The following C10orf90 variants were observed in gnomAD, a reference collection of about 807,000 sequenced individuals.
C10orf90 encodes (E2-independent) E3 ubiquitin-conjugating enzyme FATS.
In C10orf90, 56 loss-of-function variants were observed where a neutral mutation model predicts 62.5. The observed-to-expected ratio is 0.90, with a 90% CI of 0.72 to 1.12. C10orf90 has a LOEUF of 1.12. Among genes scored for constraint, C10orf90 ranks in the 50% most tolerant of loss-of-function variants. C10orf90 has a pLI of 0.00. For missense variants in C10orf90, 970 were observed against 880.4 expected (o/e 1.10, Z -1.29); for synonymous variants, 386 against 340.4 (o/e 1.13, Z -1.47).
chr10:126,660,949 T>A (rs1846497210), intron 1 of C10orf90, among the ~76,000 whole-genome samples: 1 of 152,204 alleles, frequency 6.6e-6, no homozygotes, highest in Admixed American at 6.5e-5. Context: ...TTGGAAACAC[T>A]TAACGTGGCA....
At chr10:126,485,924 G>C (rs2133818307) in intron 4 of C10orf90, among the ~76,000 whole-genome samples, 1 of 151,794 alleles carries the variant, frequency 6.6e-6, no homozygotes, top group East Asian at 1.9e-4. Context: ...TCCAGCCTGG[G>C]GGACAGAGCA....
At chr10:126,557,665 T>C (rs1215803824) in intron 2 of C10orf90, among the ~76,000 whole-genome samples, 1 of 152,144 alleles carries the variant, frequency 6.6e-6, no homozygotes, top group Non-Finnish European at 1.5e-5. Context: ...AATAATACTG[T>C]ACTGTTCATA....
intron 1 of C10orf90, among the ~76,000 whole-genome samples, chr10:126,655,363 A>G (rs1846373025): frequency 6.6e-6 from 1 of 152,172 alleles, no homozygotes; most frequent in Non-Finnish European, 1.5e-5. Flanking sequence ...ATCACAGATA[A>G]CCATAACAGA....
chr10:126,498,505 T>A (rs1862201028), intron 4 of C10orf90, among the ~76,000 whole-genome samples: 1 of 152,128 alleles, frequency 6.6e-6, no homozygotes, highest in Non-Finnish European at 1.5e-5. Context: ...CCTAGCAAGA[T>A]CCTTGACTTG....
In C10orf90 at chr10:126,588,215, C is replaced by T. The variant is rs556835609; in HGVS notation, c.313+58350G>A. ...TCTGATCTCTCCCTGGGACAGAGTC[C>T]CCAGGGGGAAGGGTGACGGCAGTCT... On this transcript the variant is annotated intron_variant, in intron 2 of 9. Coordinates refer to ENST00000488181, the MANE Select transcript of C10orf90 (RefSeq NM_001350921.2). 1.2e-4 allele frequency among the ~76,000 whole-genome samples: 18 copies of T among 152,292 alleles called. No homozygotes were observed. The South Asian group carries it at 3.7e-3, about 32-fold the overall frequency.
chr10:126,426,859 T>C (rs1240941206), intron 8 of C10orf90, among the ~76,000 whole-genome samples: 1 of 152,194 alleles, frequency 6.6e-6, no homozygotes, highest in African/African-American at 2.4e-5. Flanking sequence ...AAGGACAATG[T>C]AGAAAAAATC....
chr10:126,669,915 A>C (rs1846713145), intron 1 of C10orf90, among the ~76,000 whole-genome samples: 1 of 152,222 alleles, frequency 6.6e-6, no homozygotes, highest in Non-Finnish European at 1.5e-5. Flanking sequence ...AAGAATATTT[A>C]ACTCACAGAA....
At chr10:126,448,478 C>A (rs1402019108) in intron 7 of C10orf90, among the ~76,000 whole-genome samples, 1 of 151,822 alleles carries the variant, frequency 6.6e-6, no homozygotes, top group African/African-American at 2.4e-5. Flanking sequence ...TAATCAAGAA[C>A]TAGAACTAGA....
chr10:126,581,431 C>A lies in C10orf90; in HGVS notation c.313+65134G>T, dbSNP rs1844749946. On this transcript the variant is annotated intron_variant, in intron 2 of 9. Coordinates refer to ENST00000488181, the MANE Select transcript of C10orf90 (RefSeq NM_001350921.2). The stretch of plus-strand genomic sequence containing the variant: ...CCCAGTGACGTGGACTGCATGCTGG[C>A]TGGTCCTGTCATCATGCCTTCTTCA... Among the ~76,000 whole-genome samples the A allele has an allele frequency of 3.3e-5, 5 of 152,174 alleles. No individual in the cohort carries two copies. The South Asian group carries it at 1.0e-3, about 32-fold the overall frequency.
At chr10:126,442,825 T>C (rs1189761532) in intron 7 of C10orf90, among the ~76,000 whole-genome samples, 1 of 150,924 alleles carries the variant, frequency 6.6e-6, no homozygotes, top group Non-Finnish European at 1.5e-5. Flanking sequence ...CAGACCACAG[T>C]GGAATAAAAC....
chr10:126,548,933 T>C (rs1864566930), intron 2 of C10orf90, among the ~76,000 whole-genome samples: 1 of 152,114 alleles, frequency 6.6e-6, no homozygotes, highest in Non-Finnish European at 1.5e-5. Context: ...AAGCTAGCCT[T>C]TTCAGCAAGT....
chr10:126,531,899 C>A (rs546548328), intron 2 of C10orf90, among the ~76,000 whole-genome samples: 4 of 152,236 alleles, frequency 2.6e-5, no homozygotes, highest in Admixed American at 2.0e-4. Context: ...GACAGATATC[C>A]AGGATGTATA....
rs2134090875 is a variant in C10orf90 at position 126,456,516 on chromosome 10, A to G, written c.2188+2524T>C. On this transcript the variant is annotated intron_variant, in intron 7 of 9. Coordinates refer to ENST00000488181, the MANE Select transcript of C10orf90 (RefSeq NM_001350921.2). This position sits in a 1 kb window ranked among gnomAD's most constrained non-coding sequence, Gnocchi z 4.9. Reference sequence around the variant, plus strand: ...TCCATTTAAAAGAATGTGAACTTGTAAGGATATTTGTTTCGGGCAAACACC... The same window carrying G: ...TCCATTTAAAAGAATGTGAACTTGTGAGGATATTTGTTTCGGGCAAACACC... Among the ~76,000 whole-genome samples, 1 of 152,338 alleles carries G rather than the reference A, an allele frequency of 6.6e-6. No homozygotes were observed. The highest frequency in any genetic ancestry group is 1.5e-5 in the Non-Finnish European group (1 of 68,034).
chr10:126,641,396 C>T (rs767342040), intron 2 of C10orf90, among the ~76,000 whole-genome samples: 1 of 152,074 alleles, frequency 6.6e-6, no homozygotes, highest in Non-Finnish European at 1.5e-5. Flanking sequence ...TCCCACTCAT[C>T]AATCAAAGTT....
At chr10:126,562,577 G>A (rs898939045) in intron 2 of C10orf90, among the ~76,000 whole-genome samples, 8 of 152,222 alleles carry the variant, frequency 5.3e-5, no homozygotes, top group Middle Eastern at 3.4e-3. Flanking sequence ...CCTGTCAAAC[G>A]GGCACAGAGC....
intron 4 of C10orf90, among the ~76,000 whole-genome samples, chr10:126,476,296 A>G (rs1481816038): frequency 6.6e-6 from 1 of 152,166 alleles, no homozygotes; most frequent in Non-Finnish European, 1.5e-5. Flanking sequence ...ACATCAACCC[A>G]AATTCTCAGC....
At chr10:126,602,353 CTCTAGCTTACTTGGAATATAAT>C (rs1845214133) in intron 2 of C10orf90, among the ~76,000 whole-genome samples, 1 of 152,188 alleles carries the variant, frequency 6.6e-6, no homozygotes, top group African/African-American at 2.4e-5. Context: ...TGACCTGGGC[CTCTAGCTTACTTGGAATATAAT>C]ATCTCATGCC....
intron 2 of C10orf90, among the ~76,000 whole-genome samples, chr10:126,573,233 T>G (rs181383432): frequency 1.2e-4 from 18 of 152,266 alleles, no homozygotes; most frequent in African/African-American, 4.3e-4. Context: ...GGAGGCTGCA[T>G]GCACCTGCAC....
intron 1 of C10orf90, among the ~76,000 whole-genome samples, chr10:126,668,324 T>A (rs1451010465): frequency 6.6e-6 from 1 of 152,174 alleles, no homozygotes; most frequent in Admixed American, 6.5e-5. Flanking sequence ...GAGTACTTTG[T>A]GGTCAAAGCC....
Sources: gnomAD v4.1 joint callset for allele counts (sites outside exome capture counted in the v4.1 genomes callset) on GRCh38, gnomAD v4.1.1 for gene constraint, Gnocchi (gnomAD v3.1) non-coding constraint, MANE v1.5 for transcripts, NCBI Gene and HGNC (gene_info 2026-07-23, HGNC 2026-07-21) for gene names.